Variants in CNTN1 observed in about 807,000 individuals in gnomAD.
The protein encoded by CNTN1 is contactin 1.
A neutral mutation model predicts 126.4 loss-of-function variants in CNTN1; 38 were observed. The ratio of observed to expected loss-of-function variants is 0.30; its 90% CI spans 0.23 to 0.39. The LOEUF (loss-of-function observed/expected upper bound fraction) is 0.39, where lower values mean the gene tolerates loss of function less well. Ranked by LOEUF, CNTN1 falls within the 10% of genes least tolerant of loss-of-function variation. The pLI, the probability that CNTN1 is intolerant of heterozygous loss-of-function variation, is 1.00. For missense variants in CNTN1, 1,009 were observed against 1,248.4 expected (o/e 0.81, Z 2.89); for synonymous variants, 413 against 422.6 (o/e 0.98, Z 0.28).
chr12:40,703,952 C>T lies in CNTN1; in HGVS notation c.-77+11360C>T, dbSNP rs189124937. Among the ~76,000 whole-genome samples the T allele has an allele frequency of 1.2e-3, 187 of 152,136 alleles. 1 individual carries two copies. The highest frequency in any genetic ancestry group is 4.3e-3 in the African/African-American group (178 of 41,514). On this transcript the variant is annotated intron_variant, in intron 1 of 23. Coordinates refer to ENST00000551295, the MANE Select transcript of CNTN1 (RefSeq NM_001843.4). The stretch of plus-strand genomic sequence containing the variant: ...TAGATAAAAAGGTAGTTCAAAACTG[C>T]AAATGGGTGCCAACATGCTAGGGGA...
At chr12:40,709,048 A>AT (rs1254207454) in intron 1 of CNTN1, among the ~76,000 whole-genome samples, 2 of 152,172 alleles carry the variant, frequency 1.3e-5, no homozygotes, top group Admixed American at 6.5e-5. Context: ...TTTTTAACTG[A>AT]TTTTTTCCCA....
chr12:41,001,686 G>T (rs1948364307), intron 17 of CNTN1, among the ~76,000 whole-genome samples: 1 of 152,096 alleles, frequency 6.6e-6, no homozygotes, highest in African/African-American at 2.4e-5. Flanking sequence ...CCTATCTTCT[G>T]AAATCTTTGC....
At chr12:40,738,707 T>C (rs922978361) in intron 1 of CNTN1, among the ~76,000 whole-genome samples, 4 of 152,112 alleles carry the variant, frequency 2.6e-5, no homozygotes, top group Non-Finnish European at 4.4e-5. Flanking sequence ...AAAATCTCAA[T>C]AGTCAATAAA....
intron 1 of CNTN1, among the ~76,000 whole-genome samples, chr12:40,719,578 A>G (rs1324615560): frequency 6.6e-6 from 1 of 152,236 alleles, no homozygotes; most frequent in Non-Finnish European, 1.5e-5. Flanking sequence ...AACCTTAACT[A>G]TATTCCATGT....
At chr12:40,867,073 A>G (rs980108633) in intron 1 of CNTN1, among the ~76,000 whole-genome samples, 11 of 152,194 alleles carry the variant, frequency 7.2e-5, no homozygotes, top group African/African-American at 2.2e-4. Context: ...TTTGGTGAGC[A>G]CCAGAAGTCT....
rs1400239399 is a variant in CNTN1, at chr12:40,722,156, C to T, written c.-77+29564C>T. ...AAGAAGTACAGGTCCACATTTCCTT[C>T]CTTATAATATGGAAATTCAAACTAA... On this transcript the variant is annotated intron_variant, in intron 1 of 23. Coordinates refer to ENST00000551295, the MANE Select transcript of CNTN1 (RefSeq NM_001843.4). 2.6e-5 allele frequency among the ~76,000 whole-genome samples: 4 copies of T among 152,116 alleles called. 1 individual carries two copies. Among genetic ancestry groups the T allele is most frequent in the South Asian group, 4.2e-4 (2 of 4,816 alleles).
intron 17 of CNTN1, among the ~76,000 whole-genome samples, chr12:41,003,136 GAC>G (rs1198898924): frequency 6.6e-6 from 1 of 152,154 alleles, no homozygotes; most frequent in African/African-American, 2.4e-5. Flanking sequence ...CTAGTATATT[GAC>G]AGTTTTTACA....
intron 15 of CNTN1, among the ~76,000 whole-genome samples, chr12:40,976,422 T>C (rs778353515): frequency 4.0e-5 from 6 of 151,888 alleles, no homozygotes; most frequent in Non-Finnish European, 8.8e-5. Context: ...CCTAAGAAAC[T>C]GGAAGGAGAT....
chr12:40,820,081 A>G (rs983795102), intron 1 of CNTN1, among the ~76,000 whole-genome samples: 9 of 152,164 alleles, frequency 5.9e-5, no homozygotes, highest in African/African-American at 2.2e-4. Context: ...GCATGGCACT[A>G]GCAGCTGCAT....
At chr12:40,700,494 C>T (rs1343214320) in intron 1 of CNTN1, among the ~76,000 whole-genome samples, 2 of 151,766 alleles carry the variant, frequency 1.3e-5, no homozygotes, top group African/African-American at 2.4e-5. Flanking sequence ...CCATTGCACT[C>T]CAGCCTGGGT....
chr12:40,851,683 A>T (rs2136617985), intron 1 of CNTN1, among the ~76,000 whole-genome samples: 1 of 152,272 alleles, frequency 6.6e-6, no homozygotes, highest in South Asian at 2.1e-4. Flanking sequence ...TGGGTTTTGC[A>T]GAAGAGAAAT....
At chr12:40,822,306 C>T (rs772840329) in intron 1 of CNTN1, among the ~76,000 whole-genome samples, 1 of 151,826 alleles carries the variant, frequency 6.6e-6, no homozygotes, top group Non-Finnish European at 1.5e-5. Flanking sequence ...AGGTGCCCGA[C>T]ACCATGCCCG....
At chr12:41,026,465 G>A (rs187016153) in intron 21 of CNTN1, among the ~76,000 whole-genome samples, 1 of 152,330 alleles carries the variant, frequency 6.6e-6, no homozygotes, top group Admixed American at 6.5e-5. Flanking sequence ...AGGCCTCTGA[G>A]AAGATGCCAG....
At chr12:40,865,201 T>C (rs1323608813) in intron 1 of CNTN1, among the ~76,000 whole-genome samples, 1 of 152,146 alleles carries the variant, frequency 6.6e-6, no homozygotes, top group African/African-American at 2.4e-5. Flanking sequence ...ATTTTTGTCT[T>C]TTTAAGTATT....
chr12:40,999,422 C>T (rs535576230), intron 17 of CNTN1, among the ~76,000 whole-genome samples: 2 of 152,224 alleles, frequency 1.3e-5, no homozygotes, highest in South Asian at 2.1e-4. Context: ...ACTTAAGCTT[C>T]CTTGTACTTA....
chr12:40,979,274 A>G (rs571683675), intron 15 of CNTN1: 2 of 152,154 alleles, frequency 1.3e-5, no homozygotes, highest in South Asian at 2.1e-4. Context: ...TTATTTTAAC[A>G]TTGGTGGTGA....
chr12:41,018,606 ATATATAAG>A (rs1948834616), intron 19 of CNTN1, among the ~76,000 whole-genome samples: 1 of 150,888 alleles, frequency 6.6e-6, no homozygotes, highest in Non-Finnish European at 1.5e-5. Context: ...ATATGTGTGT[ATATATAAG>A]TATATATGTA....
chr12:40,811,507 T>C (rs1941059398), intron 1 of CNTN1, among the ~76,000 whole-genome samples: 1 of 152,210 alleles, frequency 6.6e-6, no homozygotes, highest in African/African-American at 2.4e-5. Flanking sequence ...AAATGTTTGG[T>C]AGAATTCACC....
chr12:40,842,436 G>T (rs1021448963), intron 1 of CNTN1, among the ~76,000 whole-genome samples: 1 of 152,048 alleles, frequency 6.6e-6, no homozygotes, highest in African/African-American at 2.4e-5. Context: ...AAATGTTTGA[G>T]GTGATGGGTA....
Sources: gnomAD v4.1 joint callset for allele counts (sites outside exome capture counted in the v4.1 genomes callset) on GRCh38, gnomAD v4.1.1 for gene constraint, MANE v1.5 for transcripts, NCBI Gene and HGNC (gene_info 2026-07-23, HGNC 2026-07-21) for gene names.